TMEM71: variants seen among roughly 807,000 people sequenced by gnomAD.
The protein encoded by TMEM71 is transmembrane protein 71.
In TMEM71, 44 loss-of-function variants were observed where a neutral mutation model predicts 38.0. The ratio of observed to expected loss-of-function variants is 1.16; its 90% CI spans 0.91 to 1.49. The LOEUF is 1.49. Among genes scored for constraint, TMEM71 ranks in the 40% most tolerant of loss-of-function variants. The pLI, the probability that TMEM71 is intolerant of heterozygous loss-of-function variation, is 0.00. For synonymous variants in TMEM71, 133 were observed against 122.5 expected, an observed-to-expected ratio of 1.09 and a Z score of -0.56; for missense variants, 367 against 348.6, an observed-to-expected ratio of 1.05 and a Z score of -0.42.
downstream of TMEM71, among the ~76,000 whole-genome samples, chr8:132,708,739 C>T (rs1455556068): frequency 1.3e-5 from 2 of 152,104 alleles, no homozygotes; most frequent in African/African-American, 4.8e-5. Context: ...AAAGATTATT[C>T]TGGATTATCT....
intron 5 of TMEM71, among the ~76,000 whole-genome samples, chr8:132,729,582 C>T (rs1461082626): frequency 6.6e-6 from 1 of 152,150 alleles, no homozygotes; most frequent in African/African-American, 2.4e-5. Context: ...ATGTACTTTT[C>T]TTTATAGCTG....
intron 9 of TMEM71, among the ~76,000 whole-genome samples, chr8:132,712,746 A>C (rs1453927090): frequency 1.3e-5 from 2 of 152,186 alleles, no homozygotes; most frequent in Non-Finnish European, 2.9e-5. Context: ...ACATATTGTA[A>C]ATTCTTAATA....
At chr8:132,759,862 G>A (rs1193538759) in intron 1 of TMEM71, among the ~76,000 whole-genome samples, 1 of 152,294 alleles carries the variant, frequency 6.6e-6, no homozygotes, top group Middle Eastern at 3.4e-3. Context: ...ATAGAGACCT[G>A]TAAAGATGTC....
At chr8:132,723,305 A>G (rs976308336) in intron 6 of TMEM71, among the ~76,000 whole-genome samples, 2 of 152,228 alleles carry the variant, frequency 1.3e-5, no homozygotes, top group African/African-American at 4.8e-5. Context: ...TTTGGAAAAC[A>G]TTTCCTCAGA....
At chr8:132,743,631 C>T (rs2467962) in intron 5 of TMEM71, among the ~76,000 whole-genome samples, 45,444 of 151,924 alleles carry the variant, frequency 0.3, 6,983 homozygotes, top group Non-Finnish European at 0.33. Flanking sequence ...AAACTGTATA[C>T]CCTCTTTCTA....
intron 6 of TMEM71, among the ~76,000 whole-genome samples, chr8:132,723,257 G>A (rs1209101828): frequency 6.6e-6 from 1 of 152,176 alleles, no homozygotes; most frequent in Non-Finnish European, 1.5e-5. Context: ...CTTCTAAAGT[G>A]TGTTTCTATT....
intron 5 of TMEM71, among the ~76,000 whole-genome samples, chr8:132,734,281 C>G (rs1472233879): frequency 1.3e-5 from 2 of 151,868 alleles, no homozygotes; most frequent in Admixed American, 1.3e-4. Flanking sequence ...CTGCATATGT[C>G]TAAAGTCATA....
At chr8:132,764,635 G>C (rs867564954), upstream of TMEM71, among the ~76,000 whole-genome samples, 10 of 152,032 alleles carry the variant, frequency 6.6e-5, no homozygotes, top group African/African-American at 2.4e-4. Flanking sequence ...CTCCACCTCA[G>C]GCCCTTGGAA....
At chr8:132,708,733 A>G (rs1189312488), downstream of TMEM71, among the ~76,000 whole-genome samples, 1 of 152,232 alleles carries the variant, frequency 6.6e-6, no homozygotes, top group East Asian at 1.9e-4. Flanking sequence ...AAATGGAAAG[A>G]TTATTCTGGA....
chr8:132,769,378 A>G, the TMEM71 span, among the ~76,000 whole-genome samples: 1 of 152,198 alleles, frequency 6.6e-6, no homozygotes, highest in Non-Finnish European at 1.5e-5. Flanking sequence ...CATCATGACA[A>G]GTCAACTTTG....
chr8:132,757,973 T>TGTA (rs1829126902), intron 2 of TMEM71: 1 of 152,244 alleles, frequency 6.6e-6, no homozygotes, highest in Non-Finnish European at 1.5e-5. Context: ...TGTTGGTTAT[T>TGTA]GCAGCTTACT....
intron 3 of TMEM71, among the ~76,000 whole-genome samples, chr8:132,757,032 G>A (rs1297749862): frequency 6.7e-6 from 1 of 150,254 alleles, no homozygotes; most frequent in Non-Finnish European, 1.5e-5. Context: ...GACTGCAGGG[G>A]CCCGCCACCA....
At chr8:132,727,043 G>A (rs1827184496) in intron 6 of TMEM71, among the ~76,000 whole-genome samples, 1 of 151,670 alleles carries the variant, frequency 6.6e-6, no homozygotes, top group South Asian at 2.1e-4. Flanking sequence ...TTTTAGTAGA[G>A]ATGGACTTTT....
At position 132,725,273 on chromosome 8, in the gene TMEM71, T is replaced by C. The variant is rs114939165; in HGVS notation, c.676+2525A>G. On this transcript the variant is annotated intron_variant, in intron 6 of 9. Coordinates refer to ENST00000677595, the MANE Select transcript of TMEM71 (RefSeq NM_001382403.1). ...TCCAACTCCTGGGCTCAAACGATCCTGTCACCTCAGCCTCCTGAGTAGCTG... is the reference window on the plus strand; with the variant it reads ...TCCAACTCCTGGGCTCAAACGATCCCGTCACCTCAGCCTCCTGAGTAGCTG... Among the ~76,000 whole-genome samples, 856 of 152,280 alleles carry C rather than the reference T, an allele frequency of 5.6e-3. 11 individuals carry two copies. The highest frequency in any genetic ancestry group is 0.018 in the African/African-American group (735 of 41,554).
chr8:132,750,726 A>T (rs1178255020), intron 4 of TMEM71, among the ~76,000 whole-genome samples: 1 of 152,216 alleles, frequency 6.6e-6, no homozygotes, highest in Non-Finnish European at 1.5e-5. Flanking sequence ...TGATTATCCC[A>T]ATTTACCAAT....
At chr8:132,723,011 A>G (rs1313399488) in intron 6 of TMEM71, among the ~76,000 whole-genome samples, 1 of 152,226 alleles carries the variant, frequency 6.6e-6, no homozygotes, top group Non-Finnish European at 1.5e-5. Context: ...CAATTTTGCA[A>G]CAGTTGTTTA....
chr8:132,757,311 GA>G lies in TMEM71; in HGVS notation c.41-18del. ...TGGAAGAACCTGCATAAACAAATGA[GA>G]GAGAAGTAGAATGTATCATACCTGA... On this transcript the variant is annotated intron_variant, in intron 2 of 9. Coordinates refer to ENST00000677595, the MANE Select transcript of TMEM71 (RefSeq NM_001382403.1). 6.7e-7 allele frequency: 1 copy of G among 1,501,664 alleles called. No homozygotes were observed. Among genetic ancestry groups the G allele is most frequent in the African/African-American group, 1.6e-5 (1 of 63,990 alleles). The allele number at this position is 1,501,664 out of a possible 1,614,324, so 93.0% of individuals were successfully genotyped here. A position where few individuals can be genotyped will look rare whatever the true frequency, so the allele number is the denominator to read the frequency against.
chr8:132,706,452 T>G (rs1826095949), downstream of TMEM71, among the ~76,000 whole-genome samples: 1 of 152,176 alleles, frequency 6.6e-6, no homozygotes, highest in Non-Finnish European at 1.5e-5. Context: ...GGTTAAATTT[T>G]TAAAGTTGAG....
In TMEM71 at chr8:132,710,889, T is replaced by A; in HGVS notation, c.*78A>T. ...TACTCCCTTCCAATAAAACACTTGATTCCAAGTAGACTGCAAGTTGGACAA... is the reference window on the plus strand; with the variant it reads ...TACTCCCTTCCAATAAAACACTTGAATCCAAGTAGACTGCAAGTTGGACAA... On this transcript the variant is annotated 3_prime_UTR_variant, in exon 10 of 10. Transcript: ENST00000677595. The A allele has an allele frequency of 7.3e-7, 1 of 1,375,270 alleles. No individual in the cohort carries two copies. The highest frequency in any genetic ancestry group is 1.0e-6 in the Non-Finnish European group (1 of 965,774). The allele number at this position is 1,375,270 out of a possible 1,614,324, so 85.2% of individuals were successfully genotyped here. A position where few individuals can be genotyped will look rare whatever the true frequency, so the allele number is the denominator to read the frequency against.
Sources: gnomAD v4.1 joint callset for allele counts (sites outside exome capture counted in the v4.1 genomes callset) on GRCh38, gnomAD v4.1.1 for gene constraint, MANE v1.5 for transcripts, NCBI Gene and HGNC (gene_info 2026-07-23, HGNC 2026-07-21) for gene names.